Variants in SLMAP observed in about 807,000 individuals in gnomAD.
SLMAP encodes the protein sarcolemma associated protein, also known as sarcolemmal membrane-associated protein.
A neutral mutation model predicts 128.8 loss-of-function variants in SLMAP; 44 were observed. That is an observed-to-expected ratio of 0.34 (90% confidence interval 0.27 to 0.44). SLMAP has a LOEUF of 0.44. SLMAP is among the 20% of genes least tolerant of loss of function. The probability of loss-of-function intolerance (pLI) is 1.00; values close to 1 mark genes in which losing one functional copy is unlikely to be tolerated. For missense variants in SLMAP, 787 were observed against 985.3 expected (o/e 0.80, Z 2.69); for synonymous variants, 327 against 348.8 (o/e 0.94, Z 0.70).
chr3:57,786,782 G>A (rs1313704064), intron 2 of SLMAP, among the ~76,000 whole-genome samples: 1 of 146,758 alleles, frequency 6.8e-6, no homozygotes, highest in Non-Finnish European at 1.5e-5. Flanking sequence ...CGCCCAGGCT[G>A]GAGTGCAGTG....
At chr3:57,873,232 G>C (rs2095524826) in intron 14 of SLMAP, among the ~76,000 whole-genome samples, 1 of 152,202 alleles carries the variant, frequency 6.6e-6, no homozygotes, top group Admixed American at 6.5e-5. Flanking sequence ...GCCGGGCATG[G>C]TGGCTCACGC....
intron 15 of SLMAP, among the ~76,000 whole-genome samples, chr3:57,895,289 C>G (rs2096210237): frequency 1.3e-5 from 2 of 152,038 alleles, no homozygotes; most frequent in Non-Finnish European, 2.9e-5. Flanking sequence ...CTTCATTGGA[C>G]CAGGCAGAAG....
chr3:57,920,918 A>G (rs2096905284), intron 22 of SLMAP, among the ~76,000 whole-genome samples: 1 of 152,074 alleles, frequency 6.6e-6, no homozygotes. Flanking sequence ...ATGGAGGGCT[A>G]AGGCACAAGA....
At chr3:57,861,833 A>G in intron 9 of SLMAP, 116 bp from the exon 10 acceptor site, 1 of 808,332 alleles carries the variant, frequency 1.2e-6, no homozygotes, top group Non-Finnish European at 2.0e-6. Context: ...TCCAGGGCAG[A>G]TGTTGATTTA....
intron 6 of SLMAP, 49 bp downstream of exon 6, chr3:57,849,865 T>C: frequency 9.1e-7 from 1 of 1,096,102 alleles, no homozygotes; most frequent in Middle Eastern, 2.1e-4. Context: ...CTTTTAAACT[T>C]TTAAAAGTTC....
chr3:57,878,165 A>G (rs2095648897), intron 14 of SLMAP, among the ~76,000 whole-genome samples: 1 of 152,086 alleles, frequency 6.6e-6, no homozygotes, highest in Admixed American at 6.5e-5. Flanking sequence ...TTTAGGACAA[A>G]TAGCTTCTGG....
chr3:57,812,854 C>A (rs2091235761), intron 2 of SLMAP, among the ~76,000 whole-genome samples: 1 of 151,636 alleles, frequency 6.6e-6, no homozygotes, highest in South Asian at 2.1e-4. Flanking sequence ...TTTCCCAACT[C>A]CCTAAGTTAG....
intron 4 of SLMAP, among the ~76,000 whole-genome samples, chr3:57,846,660 G>A (rs966853839): frequency 1.3e-5 from 2 of 151,142 alleles, no homozygotes; most frequent in South Asian, 2.1e-4. Context: ...GAGTTCAAGC[G>A]ATTCTTATGC....
chr3:57,871,739 A>G, intron 14 of SLMAP, 41 bp downstream of exon 14: 1 of 1,481,632 alleles, frequency 6.7e-7, no homozygotes, highest in Non-Finnish European at 9.4e-7. Flanking sequence ...TAATGAAGTC[A>G]GGGGCTAAAA....
At chr3:57,787,991 A>G (rs2084610519) in intron 2 of SLMAP, among the ~76,000 whole-genome samples, 1 of 152,244 alleles carries the variant, frequency 6.6e-6, no homozygotes, top group African/African-American at 2.4e-5. Flanking sequence ...AAGATGGTGA[A>G]GAAAGAGTGG....
intron 15 of SLMAP, among the ~76,000 whole-genome samples, chr3:57,891,968 T>A (rs1362863833): frequency 6.6e-6 from 1 of 152,152 alleles, no homozygotes; most frequent in Non-Finnish European, 1.5e-5. Flanking sequence ...AGCATTAGGG[T>A]CCATTAATAA....
chr3:57,916,914 A>G lies in SLMAP; in HGVS notation c.2147A>G (p.Lys716Arg), dbSNP rs2096825366. ...CAATATTTATATTGCAGTTCTCAGA[A>G]GCAGAGTTTAGAGCTTACCAGTGAT... ...RQEKELHNSQ[K>R]QSLELTSDLS... is the part of the protein sequence containing the mutation. Residue 716 changes from lysine (K) to arginine (R), a missense_variant, in exon 22 of 25, where the codon AAG becomes AGG. Lys to Arg is a conservative substitution (Grantham distance 26, BLOSUM62 2). Coordinates refer to ENST00000671191, the MANE Select transcript of SLMAP (RefSeq NM_001377540.1). The G allele has an allele frequency of 1.2e-6, 2 of 1,612,662 alleles. No individual in the cohort carries two copies. Among genetic ancestry groups the G allele is most frequent in the African/African-American group, 1.3e-5 (1 of 74,840 alleles).
At chr3:57,904,029 A>C (rs1305560843) in intron 17 of SLMAP, among the ~76,000 whole-genome samples, 1 of 152,222 alleles carries the variant, frequency 6.6e-6, no homozygotes, top group Non-Finnish European at 1.5e-5. Context: ...CAACCTTTGC[A>C]CAAAAAGAAT....
At chr3:57,757,932 A>G in intron 2 of SLMAP, 83 bp downstream of exon 2, 2 of 1,210,624 alleles carry the variant, frequency 1.7e-6, no homozygotes, top group Non-Finnish European at 2.4e-6. Context: ...TAATGTATGC[A>G]GGATCCCAGG....
intron 6 of SLMAP, among the ~76,000 whole-genome samples, chr3:57,851,974 G>T (rs2094521708): frequency 6.6e-6 from 1 of 151,046 alleles, no homozygotes; most frequent in African/African-American, 2.4e-5. Context: ...GCGGTGGCGT[G>T]ATCTTGGCTC....
chr3:57,831,165 T>C (rs1319846431), intron 2 of SLMAP, among the ~76,000 whole-genome samples: 2 of 152,228 alleles, frequency 1.3e-5, no homozygotes, highest in Non-Finnish European at 2.9e-5. Flanking sequence ...CCAAAGAGGT[T>C]GTACCGTTTT....
intron 14 of SLMAP, among the ~76,000 whole-genome samples, chr3:57,880,654 G>A (rs1405540473): frequency 1.3e-5 from 2 of 150,804 alleles, no homozygotes; most frequent in African/African-American, 4.9e-5. Context: ...AAGGTGGGAG[G>A]ATCGCTTGAG....
chr3:57,863,268 G>A (rs1339494225), intron 10 of SLMAP, among the ~76,000 whole-genome samples: 1 of 151,936 alleles, frequency 6.6e-6, no homozygotes, highest in Non-Finnish European at 1.5e-5. Context: ...TGGTCCTTTA[G>A]AATCTTATAA....
intron 9 of SLMAP, among the ~76,000 whole-genome samples, chr3:57,861,623 A>T (rs749658454): frequency 1.3e-5 from 2 of 152,152 alleles, no homozygotes; most frequent in Non-Finnish European, 2.9e-5. Context: ...TCAAGGATTG[A>T]TAGGCTTAAA....
Sources: gnomAD v4.1 joint callset for allele counts (sites outside exome capture counted in the v4.1 genomes callset) on GRCh38, gnomAD v4.1.1 for gene constraint, MANE v1.5 for transcripts, NCBI Gene and HGNC (gene_info 2026-07-23, HGNC 2026-07-21) for gene names.